Variants in XPR1 observed in about 807,000 individuals in gnomAD.
XPR1 encodes the protein xenotropic and polytropic retrovirus receptor 1.
A neutral mutation model predicts 87.5 loss-of-function variants in XPR1; 28 were observed. The ratio of observed to expected loss-of-function variants is 0.32; its 90% CI spans 0.24 to 0.44. XPR1 has a LOEUF of 0.44. XPR1 is among the 20% of genes least tolerant of loss of function. The probability of loss-of-function intolerance (pLI) is 1.00; values close to 1 mark genes in which losing one functional copy is unlikely to be tolerated. For missense variants in XPR1, 559 were observed against 862.3 expected, an observed-to-expected ratio of 0.65 and a Z score of 4.41; for synonymous variants, 300 against 306.1, an observed-to-expected ratio of 0.98 and a Z score of 0.21.
chr1:180,812,286 ATTT>A (rs1650246028), intron 7 of XPR1, among the ~76,000 whole-genome samples: 1 of 152,088 alleles, frequency 6.6e-6, no homozygotes, highest in Non-Finnish European at 1.5e-5. Context: ...CTCTGTCTAT[ATTT>A]GTTTCCTATC....
At chr1:180,848,169 T>C (rs1651750589) in intron 11 of XPR1, among the ~76,000 whole-genome samples, 1 of 152,196 alleles carries the variant, frequency 6.6e-6, no homozygotes, top group Non-Finnish European at 1.5e-5. Context: ...TCATTTGTGT[T>C]GGTAACACTC....
chr1:180,815,767 G>A (rs1186406065), intron 7 of XPR1, among the ~76,000 whole-genome samples: 2 of 152,038 alleles, frequency 1.3e-5, no homozygotes, highest in Non-Finnish European at 2.9e-5. Context: ...GCCATTTACA[G>A]TGGGTATAAG....
At chr1:180,639,840 G>A (rs1466595604) in intron 1 of XPR1, among the ~76,000 whole-genome samples, 1 of 152,192 alleles carries the variant, frequency 6.6e-6, no homozygotes, top group Non-Finnish European at 1.5e-5. Context: ...AAACATGGAA[G>A]AGGATAAAGG....
chr1:180,686,179 ATGT>A (rs1293999913), intron 2 of XPR1, among the ~76,000 whole-genome samples: 2 of 152,024 alleles, frequency 1.3e-5, no homozygotes, highest in African/African-American at 4.8e-5. Context: ...AGATTCTGGT[ATGT>A]TGTGTCTTTG....
In XPR1 at chr1:180,682,346, T is replaced by G; in HGVS notation, c.70-14T>G. 1 of 1,584,282 alleles carries G rather than the reference T, an allele frequency of 6.3e-7. No individual in the cohort carries two copies. The highest frequency in any genetic ancestry group is 1.2e-5 in the South Asian group (1 of 86,252). On this transcript the variant is annotated splice_polypyrimidine_tract_variant and intron_variant, in intron 1 of 14. Coordinates refer to ENST00000367590, the MANE Select transcript of XPR1 (RefSeq NM_004736.4). ...CTCATGATTTCATATATTGTTTTTC[T>G]TTCTTTCTAATAGGCTTTCAAGGAT...
Position 180,784,363 on chromosome 1 carries a change from A to T in XPR1, c.122-3390A>T, listed in dbSNP as rs188541121. Reference sequence around the variant, plus strand: ...CCTTTCATTGGTTCATTGGCCATTTATATTTCTTTTTCTATGAAATGCTGT... The same window carrying T: ...CCTTTCATTGGTTCATTGGCCATTTTTATTTCTTTTTCTATGAAATGCTGT... On this transcript the variant is annotated intron_variant, in intron 2 of 14. Coordinates refer to ENST00000367590, the MANE Select transcript of XPR1 (RefSeq NM_004736.4). 3.3e-5 allele frequency among the ~76,000 whole-genome samples: 5 copies of T among 152,124 alleles called. No homozygotes were observed. In the East Asian group the frequency reaches 9.6e-4, roughly 29 times the overall value.
At chr1:180,741,137 C>T (rs1203466712) in intron 2 of XPR1, among the ~76,000 whole-genome samples, 2 of 151,968 alleles carry the variant, frequency 1.3e-5, no homozygotes, top group Admixed American at 1.3e-4. Context: ...GTTGGTTGAT[C>T]CCCTCCTTGA....
intron 2 of XPR1, among the ~76,000 whole-genome samples, chr1:180,696,197 T>G (rs928477320): frequency 6.5e-5 from 8 of 123,738 alleles, no homozygotes; most frequent in African/African-American, 2.5e-4. Flanking sequence ...TGTGTGTGTG[T>G]GTGTGTGTGT....
chr1:180,821,734 A>G (rs918615843), intron 7 of XPR1, among the ~76,000 whole-genome samples: 39 of 152,216 alleles, frequency 2.6e-4, no homozygotes, highest in African/African-American at 8.7e-4. Flanking sequence ...TTTGTAGTAT[A>G]CAGGTCTTTC....
At chr1:180,661,934 T>G (rs1383527981) in intron 1 of XPR1, among the ~76,000 whole-genome samples, 1 of 152,124 alleles carries the variant, frequency 6.6e-6, no homozygotes, top group Non-Finnish European at 1.5e-5. Flanking sequence ...CAACACTGAC[T>G]GCATAAAAAA....
At chr1:180,659,783 C>G (rs1655701344) in intron 1 of XPR1, among the ~76,000 whole-genome samples, 1 of 151,896 alleles carries the variant, frequency 6.6e-6, no homozygotes, top group Non-Finnish European at 1.5e-5. Flanking sequence ...TCCTAAAGTG[C>G]TGGGATTACA....
chr1:180,723,519 G>A (rs1455226425), intron 2 of XPR1, among the ~76,000 whole-genome samples: 6 of 152,090 alleles, frequency 3.9e-5, no homozygotes, highest in Admixed American at 3.9e-4. Flanking sequence ...CTTATAGCAG[G>A]AACTACTTTC....
chr1:180,673,261 T>A (rs899485348), intron 1 of XPR1, among the ~76,000 whole-genome samples: 1 of 152,150 alleles, frequency 6.6e-6, no homozygotes, highest in Non-Finnish European at 1.5e-5. Context: ...ACATGTTAAC[T>A]TTTAAGTATA....
chr1:180,832,824 A>C (rs1036039671), intron 9 of XPR1, among the ~76,000 whole-genome samples: 1 of 152,168 alleles, frequency 6.6e-6, no homozygotes, highest in African/African-American at 2.4e-5. Flanking sequence ...CTTTTTGCTT[A>C]GGATTGTCTT....
chr1:180,803,022 TGTTTTCAGCTCTCTTAA>T lies in XPR1; in HGVS notation c.224-363_224-347del, dbSNP rs138316263. 7.8e-3 allele frequency among the ~76,000 whole-genome samples: 1,184 copies of T among 152,338 alleles called. 16 individuals are homozygous for T. Among genetic ancestry groups the T allele is most frequent in the African/African-American group, 0.027 (1,132 of 41,576 alleles). On this transcript the variant is annotated intron_variant, in intron 3 of 14. Coordinates refer to ENST00000367590, the MANE Select transcript of XPR1 (RefSeq NM_004736.4). ...GTATGCAAGTTTTCCTGTGAGCATA[TGTTTTCAGCTCTCTTAA>T]GTATATGCCTAGGAATGGAATTGCT...
At chr1:180,730,457 A>G (rs1427360944) in intron 2 of XPR1, among the ~76,000 whole-genome samples, 1 of 152,254 alleles carries the variant, frequency 6.6e-6, no homozygotes, top group Admixed American at 6.5e-5. Context: ...TGAAATATAT[A>G]TGACACAAAT....
chr1:180,661,938 TA>T (rs1451170630), intron 1 of XPR1, among the ~76,000 whole-genome samples: 1 of 152,150 alleles, frequency 6.6e-6, no homozygotes, highest in African/African-American at 2.4e-5. Flanking sequence ...ACTGACTGCA[TA>T]AAAAAGGAAG....
chr1:180,711,503 A>G (rs990677862), intron 2 of XPR1, among the ~76,000 whole-genome samples: 4 of 152,114 alleles, frequency 2.6e-5, no homozygotes, highest in South Asian at 2.1e-4. Flanking sequence ...AATTGCAGGC[A>G]CTCGGCAGGC....
intron 11 of XPR1, among the ~76,000 whole-genome samples, chr1:180,863,013 TATA>T (rs1354603638): frequency 6.6e-6 from 1 of 152,128 alleles, no homozygotes; most frequent in Admixed American, 6.5e-5. Context: ...TAGTGTGCCT[TATA>T]ATAAGTATTT....
Sources: gnomAD v4.1 joint callset for allele counts (sites outside exome capture counted in the v4.1 genomes callset) on GRCh38, gnomAD v4.1.1 for gene constraint, MANE v1.5 for transcripts, NCBI Gene and HGNC (gene_info 2026-07-23, HGNC 2026-07-21) for gene names.